NLGN4Y: variants seen among roughly 807,000 people sequenced by gnomAD.
NLGN4Y encodes neuroligin 4 Y-linked, also known as neuroligin-4, Y-linked.
A neutral mutation model predicts 8.4 loss-of-function variants in NLGN4Y; 4 were observed. The observed-to-expected ratio is 0.48, with a 90% confidence interval of 0.23 to 1.09. NLGN4Y has a LOEUF of 1.09. NLGN4Y is among the 50% of genes least tolerant of loss of function. The pLI is 0.19. For synonymous variants in NLGN4Y, 35 were observed against 75.6 expected (o/e 0.46, Z 2.78); for missense variants, 90 against 192.3 (o/e 0.47, Z 3.15).
chrY:14,676,880 A>G, intron 2 of NLGN4Y, among the ~76,000 whole-genome samples: 5 of 33,376 alleles, frequency 1.5e-4, no homozygotes, highest in Non-Finnish European at 3.7e-4. Context: ...TTTTCTCACC[A>G]CTTATGTAAA....
intron 1 of NLGN4Y, among the ~76,000 whole-genome samples, chrY:14,615,923 C>A (rs980367945): frequency 3.0e-5 from 1 of 33,653 alleles, no homozygotes; most frequent in Admixed American, 2.7e-4. Flanking sequence ...GTTGTTGTGC[C>A]TCTGCCAGGC....
At chrY:14,592,783 A>G (rs2080377697) in intron 1 of NLGN4Y, among the ~76,000 whole-genome samples, 1 of 33,192 alleles carries the variant, frequency 3.0e-5, no homozygotes, top group South Asian at 6.9e-4. Flanking sequence ...TGCCAAAGTT[A>G]TATCTTTGAC....
chrY:14,705,320 T>C, intron 2 of NLGN4Y, among the ~76,000 whole-genome samples: 8 of 33,200 alleles, frequency 2.4e-4, no homozygotes, highest in African/African-American at 9.4e-4. Context: ...AGTTGTGCAA[T>C]ACTCTATAAA....
rs1004095824 is a variant in NLGN4Y, at chrY:14,572,914, T to C, written c.-112+48206T>C. Among the ~76,000 whole-genome samples the C allele has an allele frequency of 1.5e-4, 5 of 33,736 alleles. No individual in the cohort carries two copies. The South Asian group carries it at 3.4e-3, about 23-fold the overall frequency. The allele number at this position is 33,736 out of a possible 37,273, so 90.5% of individuals were successfully genotyped here. On this transcript the variant is annotated intron_variant, in intron 1 of 6. Coordinates refer to ENST00000684976, the MANE Select transcript of NLGN4Y (RefSeq NM_001365588.1). Reference sequence around the variant, plus strand: ...TGTATTAGGTTTTTTGATTTGTGCATGTTGAATCAGCCTTGCATCCCAGGG... The same window carrying C: ...TGTATTAGGTTTTTTGATTTGTGCACGTTGAATCAGCCTTGCATCCCAGGG...
intron 1 of NLGN4Y, among the ~76,000 whole-genome samples, chrY:14,607,193 G>A: frequency 6.2e-5 from 2 of 32,431 alleles, no homozygotes; most frequent in South Asian, 1.4e-3. Context: ...ACAAGTTGTC[G>A]AATTATTTAA....
At chrY:14,653,396 G>T in intron 2 of NLGN4Y, among the ~76,000 whole-genome samples, 1 of 30,573 alleles carries the variant, frequency 3.3e-5, no homozygotes. Context: ...TTTTGGGGTG[G>T]CAGGTGGGGG....
intron 4 of NLGN4Y, among the ~76,000 whole-genome samples, chrY:14,775,812 T>A: frequency 6.1e-5 from 2 of 32,794 alleles, no homozygotes; most frequent in Admixed American, 2.9e-4. Context: ...TATGGGTCCT[T>A]AGAAGGGGTT....
At chrY:14,675,358 A>T (rs2080745319) in intron 2 of NLGN4Y, among the ~76,000 whole-genome samples, 1 of 32,729 alleles carries the variant, frequency 3.1e-5, no homozygotes, top group African/African-American at 1.2e-4. Context: ...GTATCCTTCC[A>T]TCCACCAAAT....
At chrY:14,561,820 A>G (rs887665683) in intron 1 of NLGN4Y, among the ~76,000 whole-genome samples, 1 of 34,032 alleles carries the variant, frequency 2.9e-5, no homozygotes, top group Non-Finnish European at 7.3e-5. Context: ...TCTAATGACC[A>G]GTGATGATGA....
intron 4 of NLGN4Y, among the ~76,000 whole-genome samples, chrY:14,747,543 A>T: frequency 3.0e-5 from 1 of 33,457 alleles, no homozygotes; most frequent in Non-Finnish European, 7.4e-5. Flanking sequence ...TAGAGACAGG[A>T]TCTTGCCTTG....
At chrY:14,654,531 C>G (rs2080642063) in intron 2 of NLGN4Y, among the ~76,000 whole-genome samples, 3 of 31,141 alleles carry the variant, frequency 9.6e-5, no homozygotes, top group Non-Finnish European at 1.5e-4. Context: ...TTCCTGACTT[C>G]CAGTGTATAA....
At chrY:14,790,399 G>C in intron 4 of NLGN4Y, among the ~76,000 whole-genome samples, 4 of 33,290 alleles carry the variant, frequency 1.2e-4, no homozygotes, top group Non-Finnish European at 2.2e-4. Flanking sequence ...AATACTTGGA[G>C]CTACAGATAT....
At chrY:14,788,367 G>C (rs111463427) in intron 4 of NLGN4Y, among the ~76,000 whole-genome samples, 1 of 33,093 alleles carries the variant, frequency 3.0e-5, no homozygotes, top group African/African-American at 1.2e-4. Flanking sequence ...CCAGGGATGC[G>C]TTCACTTCCA....
At chrY:14,764,836 A>G in intron 4 of NLGN4Y, among the ~76,000 whole-genome samples, 2 of 33,849 alleles carry the variant, frequency 5.9e-5, no homozygotes, top group African/African-American at 2.3e-4. Flanking sequence ...TCTCCTGGGA[A>G]AGGGAGTTTA....
At position 14,563,159 on chromosome Y, in the gene NLGN4Y, A is replaced by C. The variant is rs774145015; in HGVS notation, c.-112+38451A>C. Among the ~76,000 whole-genome samples, 51 of 34,097 alleles carry C rather than the reference A, an allele frequency of 1.5e-3. No individual in the cohort carries two copies. In the South Asian group the frequency reaches 0.021, roughly 14 times the overall value. 91.5% of individuals were successfully genotyped at this position (34,097 alleles called of 37,273 possible). A position where few individuals can be genotyped will look rare whatever the true frequency, so the allele number is the denominator to read the frequency against. ...GGAATGCTTCCAGCTTTTGCCCTTCAGTATGATATTGGCTGCAGGTTTTTC... is the reference window on the plus strand; with the variant it reads ...GGAATGCTTCCAGCTTTTGCCCTTCCGTATGATATTGGCTGCAGGTTTTTC... On this transcript the variant is annotated intron_variant, in intron 1 of 6. Transcript: ENST00000684976.
intron 2 of NLGN4Y, among the ~76,000 whole-genome samples, chrY:14,664,057 T>A: frequency 3.1e-5 from 1 of 32,344 alleles, no homozygotes; most frequent in Non-Finnish European, 7.5e-5. Context: ...GAGATCTATA[T>A]TCATGGTATA....
chrY:14,791,553 T>C (rs2042986032), intron 4 of NLGN4Y, among the ~76,000 whole-genome samples: 1 of 33,262 alleles, frequency 3.0e-5, no homozygotes, highest in East Asian at 7.9e-4. Flanking sequence ...AATCCCTTGA[T>C]CATAATATTG....
Position 14,719,450 on chromosome Y carries a change from T to C in NLGN4Y, c.473-9T>C. On this transcript the variant is annotated splice_polypyrimidine_tract_variant and intron_variant, in intron 2 of 6. Coordinates refer to ENST00000684976, the MANE Select transcript of NLGN4Y (RefSeq NM_001365588.1). ...CATCCCTTTATTTTCCTTTTCAATA[T>C]CACCCCAGGAACCAACATAAAGAGA... 1 of 308,827 alleles carries C rather than the reference T, an allele frequency of 3.2e-6. No individual in the cohort carries two copies. The highest frequency in any genetic ancestry group is 4.5e-6 in the Non-Finnish European group (1 of 221,203). 77.0% of individuals were successfully genotyped at this position (308,827 alleles called of 400,897 possible).
chrY:14,758,051 C>T, intron 4 of NLGN4Y, among the ~76,000 whole-genome samples: 4 of 34,016 alleles, frequency 1.2e-4, no homozygotes, highest in Non-Finnish European at 2.9e-4. Context: ...TTTTTTCATT[C>T]TTAATACTTT....
Sources: gnomAD v4.1 joint callset for allele counts (sites outside exome capture counted in the v4.1 genomes callset) on GRCh38, gnomAD v4.1.1 for gene constraint, MANE v1.5 for transcripts, NCBI Gene and HGNC (gene_info 2026-07-23, HGNC 2026-07-21) for gene names.